The following EXT2 variants were observed in gnomAD, a reference collection of about 807,000 sequenced individuals.
EXT2 encodes exostosin glycosyltransferase 2.
Under a neutral mutation model 81.6 loss-of-function variants are expected in EXT2, and 53 were observed. The observed-to-expected ratio is 0.65, with a 90% CI of 0.52 to 0.82. The LOEUF (loss-of-function observed/expected upper bound fraction) is 0.82, where lower values mean the gene tolerates loss of function less well. Among genes scored for constraint, EXT2 ranks in the 40% least tolerant of loss-of-function variants. The pLI is 0.00. For missense variants in EXT2, 774 were observed against 910.2 expected (o/e 0.85, Z 1.93); for synonymous variants, 320 against 340.0 (o/e 0.94, Z 0.65).
chr11:44,169,221 AAAATAAAT>A (rs918963601), intron 7 of EXT2, among the ~76,000 whole-genome samples: 1 of 151,888 alleles, frequency 6.6e-6, no homozygotes, highest in African/African-American at 2.4e-5. Context: ...CTCTGTCTCA[AAAATAAAT>A]AAATAAATAA....
intron 8 of EXT2, among the ~76,000 whole-genome samples, chr11:44,181,530 G>A (rs149044072): frequency 2.7e-3 from 411 of 152,060 alleles, no homozygotes; most frequent in Non-Finnish European, 3.8e-3. Context: ...GCTGTTTTTC[G>A]TACCTTACCA....
In EXT2 at chr11:44,098,273, G is replaced by C. The variant is rs118171738; in HGVS notation, c.-31+2421G>C. 3.9e-3 allele frequency among the ~76,000 whole-genome samples: 593 copies of C among 152,310 alleles called. 2 individuals are homozygous for C. The highest frequency in any genetic ancestry group is 5.7e-3 in the Non-Finnish European group (391 of 68,024). On this transcript the variant is annotated intron_variant, in intron 1 of 13. Transcript: ENST00000533608. ...CTCTGTGCTTTGGCATGTGAAAACT[G>C]TTTTGGGAGGATTGGTTCTGTGTGT...
rs1363057428 is a variant in EXT2, at chr11:44,220,710, G to A, written c.1663-11643G>A. 6.6e-6 allele frequency among the ~76,000 whole-genome samples: 1 copy of A among 152,168 alleles called. No individual in the cohort carries two copies. Among genetic ancestry groups the A allele is most frequent in the Non-Finnish European group, 1.5e-5 (1 of 68,036 alleles). Reference sequence around the variant, plus strand: ...ATTAGGTCTGTCCTATCTCCAGCTTGCATTGATTTACACCCCCAAGACTCA... The same window carrying A: ...ATTAGGTCTGTCCTATCTCCAGCTTACATTGATTTACACCCCCAAGACTCA... On this transcript the variant is annotated intron_variant, in intron 10 of 13. Transcript: ENST00000533608. This position sits in a 1 kb window ranked among gnomAD's most constrained non-coding sequence, Gnocchi z 4.4.
chr11:44,171,639 A>G lies in EXT2; in HGVS notation c.1202A>G (p.Gln401Arg). 1 of 1,614,184 alleles carries G rather than the reference A, an allele frequency of 6.2e-7. No homozygotes were observed. Among genetic ancestry groups the G allele is most frequent in the Non-Finnish European group, 8.5e-7 (1 of 1,180,024 alleles). ...CGGTGGTTCTGGGAAGCGTACTTCC[A>G]GTCAATTAAAGCCATTGCCCTGGCC... Reference protein sequence around the residue: ...QARWFWEAYFQSIKAIALATL... With the variant: ...QARWFWEAYFRSIKAIALATL... The change falls in exon 8 of 14, where the codon CAG becomes CGG. Residue 401 changes from glutamine to arginine, a missense_variant. By Grantham distance (43) the Gln-to-Arg change is conservative. Coordinates refer to ENST00000533608, the MANE Select transcript of EXT2 (RefSeq NM_207122.2).
intron 10 of EXT2, among the ~76,000 whole-genome samples, chr11:44,221,873 A>G (rs909810963): frequency 2.6e-5 from 4 of 152,198 alleles, no homozygotes; most frequent in East Asian, 1.9e-4. Flanking sequence ...GGTGATTGCT[A>G]TTGCATTAGA....
intron 7 of EXT2, among the ~76,000 whole-genome samples, chr11:44,155,406 G>C (rs1193848265): frequency 1.3e-5 from 2 of 151,616 alleles, no homozygotes; most frequent in South Asian, 2.1e-4. Flanking sequence ...CCTTGCTTCT[G>C]TCCTGTCTTC....
At chr11:44,235,225 CTTTTTTTTTTTTTTTT>C (rs35214626) in intron 12 of EXT2, among the ~76,000 whole-genome samples, 156 of 50,788 alleles carry the variant, frequency 3.1e-3, no homozygotes, top group African/African-American at 0.014. Context: ...CCCAAATTTG[CTTTTTTTTTTTTTTTT>C]TTTTTTTTTG....
intron 12 of EXT2, among the ~76,000 whole-genome samples, chr11:44,235,532 C>T (rs1458943007): frequency 6.6e-6 from 1 of 152,024 alleles, no homozygotes; most frequent in Non-Finnish European, 1.5e-5. Context: ...AGGTGTGAGC[C>T]ACTGTGCCTG....
At chr11:44,180,559 T>C (rs1955221177) in intron 8 of EXT2, among the ~76,000 whole-genome samples, 1 of 152,188 alleles carries the variant, frequency 6.6e-6, no homozygotes, top group African/African-American at 2.4e-5. Flanking sequence ...GATTTTTGTT[T>C]CTTTCTGGAG....
At chr11:44,195,317 C>T (rs1301964415) in intron 8 of EXT2, among the ~76,000 whole-genome samples, 2 of 151,884 alleles carry the variant, frequency 1.3e-5, no homozygotes, top group Admixed American at 1.3e-4. Flanking sequence ...GCCTGTAATC[C>T]CAGCTACTTG....
intron 8 of EXT2, among the ~76,000 whole-genome samples, chr11:44,179,295 C>T (rs1455374496): frequency 6.6e-6 from 1 of 152,146 alleles, no homozygotes; most frequent in African/African-American, 2.4e-5. Context: ...CACACATCTG[C>T]GTGGCAGCCC....
At chr11:44,177,981 T>A (rs545344370) in intron 8 of EXT2, among the ~76,000 whole-genome samples, 1 of 152,320 alleles carries the variant, frequency 6.6e-6, no homozygotes, top group Non-Finnish European at 1.5e-5. Context: ...AATCAAAGCC[T>A]CAGATGAGGA....
At chr11:44,117,692 A>G (rs1954242396) in intron 4 of EXT2, among the ~76,000 whole-genome samples, 1 of 152,206 alleles carries the variant, frequency 6.6e-6, no homozygotes, top group South Asian at 2.1e-4. Context: ...CCAGTACTAC[A>G]TTGTCTTGGT....
chr11:44,214,773 A>G (rs577807716), intron 10 of EXT2, among the ~76,000 whole-genome samples: 3 of 150,870 alleles, frequency 2.0e-5, no homozygotes, highest in Admixed American at 6.6e-5. Flanking sequence ...TTTTAAAGAC[A>G]GAGGGTCTCA....
chr11:44,096,044 C>A (rs1490665320), intron 1 of EXT2, among the ~76,000 whole-genome samples, 192 bp downstream of exon 1: 1 of 152,140 alleles, frequency 6.6e-6, no homozygotes, highest in African/African-American at 2.4e-5. Context: ...GCTTTTGGAG[C>A]GCTCCGATTT....
In EXT2 at chr11:44,206,815, G is replaced by A. The variant is rs747230848; in HGVS notation, c.1518G>A (p.Arg506=). The A allele has an allele frequency of 6.2e-7, 1 of 1,613,972 alleles. No individual in the cohort carries two copies. Among genetic ancestry groups the A allele is most frequent in the African/African-American group, 1.3e-5 (1 of 74,986 alleles). The part of the protein sequence containing the change: ...PPEDSLWPKI[R]VPLKVVRTAE... ...CAGATTCTCTCTGGCCCAAAATCCG[G>A]GTTCCATTAAAAGTTGTGAGGACTG... Residue 506 remains arginine, a synonymous_variant, in exon 10 of 14, where the codon CGG becomes CGA. Transcript: ENST00000533608.
chr11:44,234,445 A>C (rs1039501600), intron 12 of EXT2, among the ~76,000 whole-genome samples: 1 of 152,136 alleles, frequency 6.6e-6, no homozygotes, highest in African/African-American at 2.4e-5. Context: ...TTCTTTTTTT[A>C]TACAGTTTCT....
chr11:44,226,156 G>A (rs927383234), intron 10 of EXT2, among the ~76,000 whole-genome samples: 1 of 152,194 alleles, frequency 6.6e-6, no homozygotes, highest in African/African-American at 2.4e-5. Flanking sequence ...ATGGAGATCA[G>A]GTGCCCCAGT....
At chr11:44,178,739 G>GC (rs987789604) in intron 8 of EXT2, among the ~76,000 whole-genome samples, 1 of 151,832 alleles carries the variant, frequency 6.6e-6, no homozygotes, top group South Asian at 2.1e-4. Flanking sequence ...AGCCTACCCT[G>GC]CCCCCCAGGA....
Sources: gnomAD v4.1 joint callset for allele counts (sites outside exome capture counted in the v4.1 genomes callset) on GRCh38, gnomAD v4.1.1 for gene constraint, Gnocchi (gnomAD v3.1) non-coding constraint, MANE v1.5 for transcripts, NCBI Gene and HGNC (gene_info 2026-07-23, HGNC 2026-07-21) for gene names.